The following DCAF6 variants were observed in gnomAD, a reference collection of about 807,000 sequenced individuals.
DCAF6 encodes the protein DDB1- and CUL4-associated factor 6.
In DCAF6, 54 loss-of-function variants were observed where a neutral mutation model predicts 125.1. The observed-to-expected ratio is 0.43, with a 90% CI of 0.35 to 0.54. DCAF6 has a LOEUF of 0.54. DCAF6 is among the 20% of genes least tolerant of loss of function. The pLI is 0.01. For synonymous variants in DCAF6, 371 were observed against 390.4 expected (o/e 0.95, Z 0.58); for missense variants, 934 against 1,161.7 (o/e 0.80, Z 2.85).
chr1:168,024,927 G>T (rs148277230), intron 12 of DCAF6, among the ~76,000 whole-genome samples: 1 of 151,868 alleles, frequency 6.6e-6, no homozygotes, highest in Non-Finnish European at 1.5e-5. Flanking sequence ...GAGAAAGAAA[G>T]AATGAATGAA....
intron 12 of DCAF6, among the ~76,000 whole-genome samples, chr1:168,032,560 T>C (rs929920707): frequency 6.6e-5 from 10 of 152,224 alleles, no homozygotes; most frequent in Non-Finnish European, 1.3e-4. Context: ...TAGTTAAACT[T>C]TATTATTTTT....
chr1:168,073,155 G>T (rs1478866161), intron 21 of DCAF6, among the ~76,000 whole-genome samples: 3 of 151,820 alleles, frequency 2.0e-5, no homozygotes, highest in Non-Finnish European at 2.9e-5. Flanking sequence ...CAGCCTGGGC[G>T]ATAGAGCGAG....
chr1:167,934,150 C>A (rs1306286453), upstream of DCAF6, among the ~76,000 whole-genome samples: 1 of 152,144 alleles, frequency 6.6e-6, no homozygotes, highest in Admixed American at 6.5e-5. Context: ...GAAAGGTAAT[C>A]CCTCTTCATT....
At position 168,004,564 on chromosome 1, in the gene DCAF6, T is replaced by C; in HGVS notation, c.1149T>C (p.Leu383=). 1 of 1,612,458 alleles carries C rather than the reference T, an allele frequency of 6.2e-7. No homozygotes were observed. Among genetic ancestry groups the C allele is most frequent in the South Asian group, 1.1e-5 (1 of 90,884 alleles). ...CAAGTCAATCAGATATTTCAACTCT[T>C]CCTACGGTCCCATCAAGTCCTGATT... ...GGTSQSDIST[L]PTVPSSPDLE... is the part of the protein sequence containing the mutation. The change falls in exon 10 of 22, where the codon CTT becomes CTC. Residue 383 remains leucine (L), a synonymous_variant. Coordinates refer to ENST00000367840, the MANE Select transcript of DCAF6 (RefSeq NM_001198956.2).
the DCAF6 span, among the ~76,000 whole-genome samples, chr1:167,927,788 AAAC>A: frequency 0.015 from 2,323 of 152,330 alleles, 55 homozygotes; most frequent in African/African-American, 0.051. Context: ...CCACCAAACC[AAAC>A]AACTGAAAAA....
rs530954012 is a variant in DCAF6, at chr1:167,970,590, A to C, written c.252+3869A>C. Among the ~76,000 whole-genome samples, 13 of 152,030 alleles carry C rather than the reference A, an allele frequency of 8.6e-5. 1 individual carries two copies. In the South Asian group the frequency reaches 2.7e-3, roughly 32 times the overall value. On this transcript the variant is annotated intron_variant, in intron 3 of 21. Coordinates refer to ENST00000367840, the MANE Select transcript of DCAF6 (RefSeq NM_001198956.2). ...TTGAGCCCAGGCGTTCCACCACTAC[A>C]CTCCAAGTCTGGATGACAGCAAGAG...
At position 167,987,575 on chromosome 1, in the gene DCAF6, C is replaced by G; in HGVS notation, c.519C>G (p.Ile173Met). The G allele has an allele frequency of 1.2e-6, 2 of 1,601,658 alleles. No individual in the cohort carries two copies. The highest frequency in any genetic ancestry group is 1.8e-4 in the Middle Eastern group (1 of 5,530). Residue 173 changes from isoleucine to methionine, a missense_variant, in exon 5 of 22, where the codon ATC becomes ATG. Physicochemically the swap from Ile to Met is conservative, Grantham distance 10 (BLOSUM62 1). Around this residue, in one of 5 missense-constraint regions of DCAF6, gnomAD observed 309 missense variants for 381.2 expected, o/e 0.81. Transcript: ENST00000367840. Reference protein sequence around the residue: ...DGTVRWFDTRIKTSCTKEDCK... With the variant: ...DGTVRWFDTRMKTSCTKEDCK... The stretch of plus-strand genomic sequence containing the variant: ...CTGTTAGGTGGTTTGATACACGCAT[C>G]AAAACTAGCTGCACAAAAGAAGATT...
At chr1:167,909,831 G>A in the DCAF6 span, among the ~76,000 whole-genome samples, 1 of 152,148 alleles carries the variant, frequency 6.6e-6, no homozygotes, top group Non-Finnish European at 1.5e-5. Flanking sequence ...TGGTGGTGAG[G>A]AGACAGGCCA....
chr1:167,871,755 A>C, the DCAF6 span, among the ~76,000 whole-genome samples: 16 of 152,250 alleles, frequency 1.1e-4, no homozygotes, highest in African/African-American at 3.4e-4. Flanking sequence ...TTTGCTTGGT[A>C]ATATACATTT....
In DCAF6 at chr1:167,974,108, A is replaced by C. The variant is rs1222667048; in HGVS notation, c.253-722A>C. ...AGAATTGATATCTCAGCATAATTTCAATTTGCATTTCCCTTATGAATGATC... is the reference window on the plus strand; with the variant it reads ...AGAATTGATATCTCAGCATAATTTCCATTTGCATTTCCCTTATGAATGATC... On this transcript the variant is annotated intron_variant, in intron 3 of 21. Transcript: ENST00000367840. 2.0e-5 allele frequency among the ~76,000 whole-genome samples: 3 copies of C among 152,020 alleles called. No individual in the cohort carries two copies. In the East Asian group the frequency reaches 5.8e-4, roughly 29 times the overall value.
At chr1:168,011,063 C>T (rs942981967) in intron 10 of DCAF6, among the ~76,000 whole-genome samples, 2 of 150,854 alleles carry the variant, frequency 1.3e-5, no homozygotes, top group Non-Finnish European at 2.9e-5. Flanking sequence ...TCACTTAAAG[C>T]TTCCCTGCCC....
chr1:167,912,328 C>T, the DCAF6 span, among the ~76,000 whole-genome samples: 4,552 of 152,264 alleles, frequency 0.03, 237 homozygotes, highest in African/African-American at 0.1. Flanking sequence ...CAAATGAAGG[C>T]CATTAGAAAC....
chr1:168,022,921 T>C (rs1685845445), intron 11 of DCAF6, 67 bp from the exon 12 acceptor site: 1 of 1,396,104 alleles, frequency 7.2e-7, no homozygotes, highest in Non-Finnish European at 1.0e-6. Flanking sequence ...AGCTTAGAGA[T>C]GATCATGACA....
At position 168,045,039 on chromosome 1, in the gene DCAF6, G is replaced by C. The variant is rs1390201604; in HGVS notation, c.2070G>C (p.Gln690His). Residue 690 changes from glutamine to histidine, a missense_variant, in exon 16 of 22, where the codon CAG becomes CAC. Physicochemically the swap from Gln to His is conservative, Grantham distance 24. Coordinates refer to ENST00000367840, the MANE Select transcript of DCAF6 (RefSeq NM_001198956.2). ...EKAKEPETSD[Q>H]TSTESATNEN... Reference sequence around the variant, plus strand: ...CCAAGGAACCAGAAACTTCAGATCAGACTAGCACTGAGAGTGCTACCAATG... The same window carrying C: ...CCAAGGAACCAGAAACTTCAGATCACACTAGCACTGAGAGTGCTACCAATG... 1.9e-6 allele frequency: 3 copies of C among 1,613,922 alleles called. No individual in the cohort carries two copies. Among genetic ancestry groups the C allele is most frequent in the Non-Finnish European group, 2.5e-6 (3 of 1,179,964 alleles).
chr1:167,894,170 T>C, the DCAF6 span, among the ~76,000 whole-genome samples: 2 of 152,192 alleles, frequency 1.3e-5, no homozygotes, highest in Non-Finnish European at 2.9e-5. Context: ...CTCAAAACCT[T>C]GTTCAAACTG....
intron 17 of DCAF6, among the ~76,000 whole-genome samples, chr1:168,055,346 T>TTG (rs1159014266): frequency 1.7e-5 from 1 of 60,212 alleles, no homozygotes; most frequent in Non-Finnish European, 3.2e-5. Context: ...TTTTTTTTTT[T>TTG]TTTTTTTTTT....
chr1:167,920,152 C>T, the DCAF6 span: 96 of 1,009,892 alleles, frequency 9.5e-5, 1 homozygote, highest in South Asian at 5.4e-4. Flanking sequence ...TCAGTGAATA[C>T]TTAATATTGA....
intron 1 of DCAF6, 118 bp downstream of exon 1, chr1:167,937,126 G>C: frequency 1.2e-6 from 1 of 834,056 alleles, no homozygotes; most frequent in South Asian, 1.6e-5. Context: ...CGGAGACTCT[G>C]GGGTGTTGGG....
At chr1:167,959,565 A>G (rs139240197) in intron 2 of DCAF6, among the ~76,000 whole-genome samples, 2 of 152,324 alleles carry the variant, frequency 1.3e-5, no homozygotes, top group East Asian at 1.9e-4. Flanking sequence ...CCAGTATTTG[A>G]TGTTGTCAGT....
Sources: gnomAD v4.1 joint callset for allele counts (sites outside exome capture counted in the v4.1 genomes callset) on GRCh38, gnomAD v4.1.1 for gene constraint, gnomAD v4.1.1 regional missense constraint, MANE v1.5 for transcripts, NCBI Gene and HGNC (gene_info 2026-07-23, HGNC 2026-07-21) for gene names.